The following BICD1 variants were observed in gnomAD, a reference collection of about 807,000 sequenced individuals.
BICD1 encodes the protein BICD cargo adaptor 1.
In BICD1, 35 loss-of-function variants were observed where a neutral mutation model predicts 92.5. That is an observed-to-expected ratio of 0.38 (90% CI 0.29 to 0.50). BICD1 has a LOEUF of 0.50. Among genes scored for constraint, BICD1 ranks in the 20% least tolerant of loss-of-function variants. The pLI is 0.93. For synonymous variants in BICD1, 429 were observed against 465.1 expected, an observed-to-expected ratio of 0.92 and a Z score of 1.00; for missense variants, 950 against 1,189.8, an observed-to-expected ratio of 0.80 and a Z score of 2.97.
intron 8 of BICD1, among the ~76,000 whole-genome samples, chr12:32,360,468 G>A (rs2136320190): frequency 6.6e-6 from 1 of 152,274 alleles, no homozygotes; most frequent in South Asian, 2.1e-4. Flanking sequence ...CAAATTTCTG[G>A]AAATGGATGA....
At chr12:32,212,214 T>G (rs1945236520) in intron 1 of BICD1, among the ~76,000 whole-genome samples, 1 of 150,918 alleles carries the variant, frequency 6.6e-6, no homozygotes, top group African/African-American at 2.4e-5. Flanking sequence ...TGTTTTTTTG[T>G]TTTTGTTTTT....
At chr12:32,253,931 AT>A (rs1946640867) in intron 2 of BICD1, among the ~76,000 whole-genome samples, 1 of 150,208 alleles carries the variant, frequency 6.7e-6, no homozygotes, top group Admixed American at 6.6e-5. Flanking sequence ...TCACTGCTGT[AT>A]CCCACCTGTC....
chr12:32,278,937 G>A (rs1423068504), intron 2 of BICD1, among the ~76,000 whole-genome samples: 1 of 152,182 alleles, frequency 6.6e-6, no homozygotes, highest in Non-Finnish European at 1.5e-5. Flanking sequence ...ATGCTACTTT[G>A]TGAAATAGAA....
Position 32,327,634 on chromosome 12 carries a change from G to A in BICD1, c.1179G>A (p.Gly393=), listed in dbSNP as rs970725251. The A allele has an allele frequency of 3.1e-6, 5 of 1,614,138 alleles. No individual in the cohort carries two copies. The highest frequency in any genetic ancestry group is 4.2e-6 in the Non-Finnish European group (5 of 1,180,012). Residue 393 remains glycine, a synonymous_variant, in exon 5 of 10, where the codon GGG becomes GGA. Transcript: ENST00000652176. ...SSKELKAELD[G]EKGRDSGEEA... ...AGGAGCTCAAGGCTGAGCTGGACGG[G>A]GAGAAGGGCCGGGACTCAGGGGAGG...
At chr12:32,202,408 G>C (rs888229282) in intron 1 of BICD1, among the ~76,000 whole-genome samples, 8 of 152,150 alleles carry the variant, frequency 5.3e-5, no homozygotes, top group African/African-American at 1.9e-4. Flanking sequence ...CTGCTTTTTG[G>C]TGTTATCTAT....
chr12:32,328,384 G>A lies in BICD1; in HGVS notation c.1929G>A (p.Val643=). Residue 643 remains valine (V), a synonymous_variant, in exon 5 of 10, where the codon GTG becomes GTA. Transcript: ENST00000652176. This position sits in a 1 kb window ranked among gnomAD's most constrained non-coding sequence, Gnocchi z 4.4. Reference sequence around the variant, plus strand: ...AAATCAAGCATCTGCAGAAAGCTGTGGACCGGTCCTTGCAACTGTCTCGTC... The same window carrying A: ...AAATCAAGCATCTGCAGAAAGCTGTAGACCGGTCCTTGCAACTGTCTCGTC... ...RDQIKHLQKA[V]DRSLQLSRQR... is the part of the protein sequence containing the mutation. 6.2e-6 allele frequency: 10 copies of A among 1,614,202 alleles called. No homozygotes were observed. Among genetic ancestry groups the A allele is most frequent in the Non-Finnish European group, 8.5e-6 (10 of 1,180,038 alleles).
At chr12:32,168,007 CGTGTGTGT>C (rs10568100) in intron 1 of BICD1, among the ~76,000 whole-genome samples, 218 of 149,900 alleles carry the variant, frequency 1.5e-3, no homozygotes, top group African/African-American at 5.2e-3. Flanking sequence ...AAGGAGATGG[CGTGTGTGT>C]GTGTGTGTGT....
At chr12:32,195,386 A>G (rs1036840985) in intron 1 of BICD1, among the ~76,000 whole-genome samples, 7 of 152,220 alleles carry the variant, frequency 4.6e-5, no homozygotes, top group South Asian at 2.1e-4. Context: ...ACTACATTAC[A>G]AAGCTCTAGT....
intron 9 of BICD1, among the ~76,000 whole-genome samples, chr12:32,375,207 G>A (rs1939900410): frequency 6.6e-6 from 1 of 151,786 alleles, no homozygotes; most frequent in African/African-American, 2.4e-5. Context: ...TTACAGGCGT[G>A]CGCCACCGCG....
intron 1 of BICD1, among the ~76,000 whole-genome samples, chr12:32,130,995 C>T (rs1209282004): frequency 1.3e-5 from 2 of 151,936 alleles, no homozygotes; most frequent in Non-Finnish European, 2.9e-5. Flanking sequence ...CCACCATTCC[C>T]GGCTAATTTT....
At chr12:32,323,407 ACTT>A (rs1948703610) in intron 4 of BICD1, among the ~76,000 whole-genome samples, 1 of 152,176 alleles carries the variant, frequency 6.6e-6, no homozygotes, top group Non-Finnish European at 1.5e-5. Flanking sequence ...TCACTAACTC[ACTT>A]CATCATCAAA....
chr12:32,139,289 C>G (rs1173111632), intron 1 of BICD1, among the ~76,000 whole-genome samples: 1 of 152,138 alleles, frequency 6.6e-6, no homozygotes, highest in East Asian at 1.9e-4. Flanking sequence ...CATGGACTCA[C>G]TCTGTTTCTG....
intron 2 of BICD1, among the ~76,000 whole-genome samples, chr12:32,220,122 C>T (rs960890023): frequency 1.3e-5 from 2 of 152,172 alleles, no homozygotes; most frequent in Non-Finnish European, 2.9e-5. Flanking sequence ...AAACGTTAGA[C>T]CTAAAACCAT....
In BICD1 at chr12:32,207,303, A is replaced by G. The variant is rs576081868; in HGVS notation, c.214-8944A>G. Among the ~76,000 whole-genome samples the G allele has an allele frequency of 1.6e-3, 240 of 152,330 alleles. 1 individual carries two copies. The highest frequency in any genetic ancestry group is 2.9e-3 in the Non-Finnish European group (200 of 68,030). ...CAAATAGAGGTACCAATTACAAACC[A>G]TCAGGGTTAGAAAAAAAATCCAGGC... On this transcript the variant is annotated intron_variant, in intron 1 of 9. Transcript: ENST00000652176.
intron 2 of BICD1, among the ~76,000 whole-genome samples, chr12:32,284,192 C>T (rs1287953367): frequency 8.5e-5 from 13 of 152,316 alleles, no homozygotes; most frequent in Admixed American, 8.5e-4. Flanking sequence ...CCAGAACTCC[C>T]TGCCAGTGGC....
At chr12:32,283,755 C>T (rs1156351534) in intron 2 of BICD1, among the ~76,000 whole-genome samples, 2 of 152,134 alleles carry the variant, frequency 1.3e-5, no homozygotes, top group Non-Finnish European at 2.9e-5. Context: ...GTGAGTGGCT[C>T]ATGTGGGTAC....
At chr12:32,377,108 C>T (rs1940003273) in intron 9 of BICD1, among the ~76,000 whole-genome samples, 1 of 152,232 alleles carries the variant, frequency 6.6e-6, no homozygotes, top group Non-Finnish European at 1.5e-5. Context: ...TCACCCCACA[C>T]CTAATGAATC....
At chr12:32,122,290 C>CA (rs1047965103) in intron 1 of BICD1, among the ~76,000 whole-genome samples, 5 of 151,884 alleles carry the variant, frequency 3.3e-5, no homozygotes, top group Non-Finnish European at 5.9e-5. Flanking sequence ...AGATCGAGAC[C>CA]ATCCTGACTA....
rs1245987404 is a variant in BICD1, at chr12:32,233,048, T to TA, written c.426+16596dup. Among the ~76,000 whole-genome samples, 6 of 152,068 alleles carry TA rather than the reference T, an allele frequency of 3.9e-5. No homozygotes were observed. The East Asian group carries it at 9.6e-4, about 24-fold the overall frequency. On this transcript the variant is annotated intron_variant, in intron 2 of 9. Coordinates refer to ENST00000652176, the MANE Select transcript of BICD1 (RefSeq NM_001714.4). The stretch of plus-strand genomic sequence containing the variant: ...GGCAACTCTGGCACTGACATAGGTT[T>TA]AAAAAAATTATGTTTTAAAAGTAAT...
Sources: allele counts gnomAD v4.1 joint callset (sites outside exome capture counted in the v4.1 genomes callset), GRCh38; gene constraint gnomAD v4.1.1; non-coding constraint Gnocchi (gnomAD v3.1); transcripts MANE v1.5; gene names NCBI Gene and HGNC (gene_info 2026-07-23, HGNC 2026-07-21).